ABLIM2: variants seen among roughly 807,000 people sequenced by gnomAD.
ABLIM2 encodes the protein actin binding LIM protein family member 2.
In ABLIM2, 53 loss-of-function variants were observed where a neutral mutation model predicts 97.7. That is an observed-to-expected ratio of 0.54 (90% CI 0.44 to 0.68). The LOEUF is 0.68. Among genes scored for constraint, ABLIM2 ranks in the 30% least tolerant of loss-of-function variants. The pLI is 0.00. For synonymous variants in ABLIM2, 361 were observed against 345.8 expected (o/e 1.04, Z -0.49); for missense variants, 835 against 867.2 (o/e 0.96, Z 0.47).
At chr4:8,026,293 C>T (rs929978507) in intron 12 of ABLIM2, among the ~76,000 whole-genome samples, 1 of 152,212 alleles carries the variant, frequency 6.6e-6, no homozygotes, top group African/African-American at 2.4e-5. Context: ...TGAGCCATTG[C>T]ACCCAGGTGA....
At chr4:8,144,784 G>C (rs1247612627) in intron 1 of ABLIM2, among the ~76,000 whole-genome samples, 1 of 152,252 alleles carries the variant, frequency 6.6e-6, no homozygotes, top group Non-Finnish European at 1.5e-5. Flanking sequence ...CTATGCTGCT[G>C]TTCTCTACCA....
At chr4:8,018,912 T>G (rs1469804379) in intron 14 of ABLIM2, among the ~76,000 whole-genome samples, 1 of 152,016 alleles carries the variant, frequency 6.6e-6, no homozygotes, top group Non-Finnish European at 1.5e-5. Context: ...GTGGAGGGGA[T>G]CGGTCCTGTT....
At chr4:8,115,769 G>C (rs779254084) in intron 1 of ABLIM2, among the ~76,000 whole-genome samples, 1 of 152,216 alleles carries the variant, frequency 6.6e-6, no homozygotes, top group Non-Finnish European at 1.5e-5. Context: ...CCTTGAACCT[G>C]GGTGGACCTC....
chr4:8,094,900 TTCCC>T (rs1198798545), intron 3 of ABLIM2, among the ~76,000 whole-genome samples: 1 of 151,768 alleles, frequency 6.6e-6, no homozygotes, highest in African/African-American at 2.4e-5. Flanking sequence ...TAGTAATTCC[TTCCC>T]TCCCTCCCTC....
At chr4:8,142,516 C>G (rs1428597844) in intron 1 of ABLIM2, among the ~76,000 whole-genome samples, 1 of 152,234 alleles carries the variant, frequency 6.6e-6, no homozygotes, top group Non-Finnish European at 1.5e-5. Flanking sequence ...CAAGATGCTG[C>G]TAAGCCTCAA....
chr4:8,041,835 C>A (rs1044531554), intron 9 of ABLIM2, among the ~76,000 whole-genome samples: 1 of 151,690 alleles, frequency 6.6e-6, no homozygotes, highest in Non-Finnish European at 1.5e-5. Flanking sequence ...ACCTGGGAGG[C>A]GCAGCTTGCA....
Position 8,061,163 on chromosome 4 carries a change from TA to T in ABLIM2, c.676-110del. The T allele has an allele frequency of 7.6e-6, 7 of 921,468 alleles. No individual in the cohort carries two copies. The highest frequency in any genetic ancestry group is 1.2e-5 in the Non-Finnish European group (7 of 599,908). 57.1% of individuals were successfully genotyped at this position (921,468 alleles called of 1,614,324 possible). Reference sequence around the variant, plus strand: ...GCCCTGAGCACAGGTACTCAGGGGATACTGGAAGGGCCAGCCCCCACCATCG... The same window carrying T: ...GCCCTGAGCACAGGTACTCAGGGGATCTGGAAGGGCCAGCCCCCACCATCG... On this transcript the variant is annotated intron_variant, in intron 6 of 20. Transcript: ENST00000447017. This position sits in a 1 kb window ranked among gnomAD's most constrained non-coding sequence, Gnocchi z 4.5.
intron 3 of ABLIM2, among the ~76,000 whole-genome samples, chr4:8,094,557 G>C (rs543645827): frequency 1.3e-5 from 2 of 152,302 alleles, no homozygotes; most frequent in South Asian, 4.1e-4. Flanking sequence ...ACAGGACAGG[G>C]ATTTTCACAG....
chr4:7,975,375 T>G (rs1335115153), intron 20 of ABLIM2, among the ~76,000 whole-genome samples: 1 of 152,214 alleles, frequency 6.6e-6, no homozygotes, highest in Non-Finnish European at 1.5e-5. Flanking sequence ...CATCTGACCC[T>G]CTTCCATGGG....
intron 4 of ABLIM2, among the ~76,000 whole-genome samples, chr4:8,081,624 G>A (rs1819871098): frequency 6.7e-6 from 1 of 149,304 alleles, no homozygotes; most frequent in Admixed American, 6.6e-5. Flanking sequence ...TGCATAGGGT[G>A]TGACTGTCTA....
chr4:8,045,096 A>G, intron 9 of ABLIM2, 68 bp downstream of exon 9: 1 of 1,453,226 alleles, frequency 6.9e-7, no homozygotes, highest in South Asian at 1.1e-5. Flanking sequence ...GGGCTTAGCC[A>G]CGGCCACCGG....
rs1450195919 is a variant in ABLIM2 at position 8,046,562 on chromosome 4, T to A, written c.823-1321A>T. ...TTCCCACCCCGACCACAGCCCCCAC[T>A]GCAGCTCCCTCCTCTCATTTTCTGA... On this transcript the variant is annotated intron_variant, in intron 8 of 20. Transcript: ENST00000447017. This position sits in a 1 kb window ranked among gnomAD's most constrained non-coding sequence, Gnocchi z 4.4. 6.6e-6 allele frequency among the ~76,000 whole-genome samples: 1 copy of A among 151,642 alleles called. No homozygotes were observed. The highest frequency in any genetic ancestry group is 1.5e-5 in the Non-Finnish European group (1 of 67,938).
chr4:8,062,961 A>G (rs1455052638), intron 6 of ABLIM2, among the ~76,000 whole-genome samples: 1 of 152,228 alleles, frequency 6.6e-6, no homozygotes, highest in Admixed American at 6.5e-5. Flanking sequence ...GTTCTGTGAC[A>G]GCCACAGGGG....
At chr4:8,011,138 TC>T (rs896729320) in intron 14 of ABLIM2, among the ~76,000 whole-genome samples, 47 of 152,288 alleles carry the variant, frequency 3.1e-4, no homozygotes, top group African/African-American at 1.1e-3. Context: ...CAGGCCTGGG[TC>T]CCCAGAGGTC....
At chr4:8,107,899 G>A (rs1424891392) in intron 1 of ABLIM2, among the ~76,000 whole-genome samples, 1 of 152,196 alleles carries the variant, frequency 6.6e-6, no homozygotes, top group Non-Finnish European at 1.5e-5. Context: ...GTGGAAGAAG[G>A]TCAGGGAGAT....
At chr4:8,048,031 G>A (rs973549197) in intron 8 of ABLIM2, among the ~76,000 whole-genome samples, 1 of 152,234 alleles carries the variant, frequency 6.6e-6, no homozygotes, top group Admixed American at 6.5e-5. Context: ...TGGGAGGGAG[G>A]GAGCGTTGGC....
At chr4:8,088,422 A>G (rs1577495380) in intron 3 of ABLIM2, 138 bp from the exon 4 acceptor site, 3 of 662,704 alleles carry the variant, frequency 4.5e-6, no homozygotes, top group Non-Finnish European at 7.9e-6. Context: ...GAGGAAATGC[A>G]GGGCCTCTCC....
intron 1 of ABLIM2, among the ~76,000 whole-genome samples, chr4:8,137,095 C>T (rs1464200279): frequency 6.6e-6 from 1 of 152,200 alleles, no homozygotes; most frequent in East Asian, 1.9e-4. Flanking sequence ...TCTGGGACTT[C>T]CAGCCTCCAG....
At position 7,996,741 on chromosome 4, in the gene ABLIM2, C is replaced by A. The variant is rs1753587016; in HGVS notation, c.1619-3814G>T. On this transcript the variant is annotated intron_variant, in intron 16 of 20. Transcript: ENST00000447017. This position sits in a 1 kb window ranked among gnomAD's most constrained non-coding sequence, Gnocchi z 4.5. ...TGGAGAAGATTCCTTACGGGTAGCT[C>A]TGCAGGATATCTCACTGAACACAGG... 6.6e-6 allele frequency among the ~76,000 whole-genome samples: 1 copy of A among 152,192 alleles called. No homozygotes were observed. The highest frequency in any genetic ancestry group is 1.5e-5 in the Non-Finnish European group (1 of 68,054).
Sources: gnomAD v4.1 joint callset for allele counts (sites outside exome capture counted in the v4.1 genomes callset) on GRCh38, gnomAD v4.1.1 for gene constraint, Gnocchi (gnomAD v3.1) non-coding constraint, MANE v1.5 for transcripts, NCBI Gene and HGNC (gene_info 2026-07-23, HGNC 2026-07-21) for gene names.